The following PXDN variants were observed in gnomAD, a reference collection of about 807,000 sequenced individuals.
PXDN encodes peroxidasin.
In PXDN, 77 loss-of-function variants were observed where a neutral mutation model predicts 140.3. The ratio of observed to expected loss-of-function variants is 0.55; its 90% confidence interval spans 0.46 to 0.66. The LOEUF is 0.66. Ranked by LOEUF, PXDN falls within the 30% of genes least tolerant of loss-of-function variation. The pLI, the probability that PXDN is intolerant of heterozygous loss-of-function variation, is 0.00. For synonymous variants in PXDN, 911 were observed against 857.4 expected (o/e 1.06, Z -1.09); for missense variants, 1,838 against 2,039.5 (o/e 0.90, Z 1.90).
intron 9 of PXDN, among the ~76,000 whole-genome samples, chr2:1,673,013 C>T (rs1683612752): frequency 6.6e-6 from 1 of 152,142 alleles, no homozygotes; most frequent in African/African-American, 2.4e-5. Flanking sequence ...TGGGTACACC[C>T]AATGCCTCAA....
rs553047044 is a variant in PXDN at position 1,682,367 on chromosome 2, T to C, written c.560+1289A>G. ...CCTAAAGGAAAAAAAAAATCACATA[T>C]AGTTCTGAAGGTCTATGTTTTACTC... On this transcript the variant is annotated intron_variant, in intron 6 of 22. Transcript: ENST00000252804. Among the ~76,000 whole-genome samples, 96 of 152,310 alleles carry C rather than the reference T, an allele frequency of 6.3e-4. 2 individuals are homozygous for C. In the South Asian group the frequency reaches 0.012, roughly 19 times the overall value.
chr2:1,698,828 T>C (rs183213454), intron 1 of PXDN, among the ~76,000 whole-genome samples: 1 of 152,308 alleles, frequency 6.6e-6, no homozygotes, highest in East Asian at 1.9e-4. Flanking sequence ...AAGAGAAGAC[T>C]GCAATAACTA....
intron 8 of PXDN, among the ~76,000 whole-genome samples, chr2:1,674,497 G>C (rs547063644): frequency 6.6e-6 from 1 of 152,228 alleles, no homozygotes; most frequent in Non-Finnish European, 1.5e-5. Flanking sequence ...GCATGGCTTG[G>C]CCAGTCCTCG....
At chr2:1,647,535 C>T (rs1286090234) in intron 17 of PXDN, among the ~76,000 whole-genome samples, 1 of 152,222 alleles carries the variant, frequency 6.6e-6, no homozygotes, top group East Asian at 1.9e-4. Flanking sequence ...GGGGTGACAG[C>T]GTCCCATTTT....
chr2:1,693,520 A>G (rs1383154274), intron 1 of PXDN, among the ~76,000 whole-genome samples: 3 of 152,208 alleles, frequency 2.0e-5, no homozygotes, highest in Non-Finnish European at 4.4e-5. Context: ...AACACCTTAG[A>G]GTTTACTCCA....
chr2:1,666,478 T>C lies in PXDN; in HGVS notation c.1027A>G (p.Thr343Ala). 6.3e-7 allele frequency: 1 copy of C among 1,590,590 alleles called. No individual in the cohort carries two copies. The highest frequency in any genetic ancestry group is 1.1e-5 in the South Asian group (1 of 90,082). ...GTATTCTGTGGCTGGATTACAAAAG[T>C]GGGTCGAGCTGTCACAATTAAACAG... is the stretch of plus-strand genomic sequence containing the variant. ...LRYFGSPARP[T>A]FVIQPQNTEV... Residue 343 changes from threonine to alanine, a missense_variant, in exon 10 of 23, where the codon ACT becomes GCT. Thr to Ala is a moderately conservative substitution (Grantham distance 58). Transcript: ENST00000252804.
intron 6 of PXDN, 110 bp downstream of exon 6, chr2:1,683,546 A>ACATGTTTTTCATTTTGCTCGCTAATGG: frequency 2.3e-6 from 1 of 434,336 alleles, no homozygotes. Flanking sequence ...ATTCTTTCAG[A>ACATGTTTTTCATTTTGCTCGCTAATGG]ATCAGATTGT....
chr2:1,710,781 C>A, intron 1 of PXDN, among the ~76,000 whole-genome samples: 1 of 68,820 alleles, frequency 1.5e-5, no homozygotes, highest in Non-Finnish European at 2.8e-5. Context: ...CACCCACTCT[C>A]CACCAGCACC....
chr2:1,668,681 AC>A (rs1304936334), intron 9 of PXDN, among the ~76,000 whole-genome samples: 1 of 152,194 alleles, frequency 6.6e-6, no homozygotes, highest in Admixed American at 6.5e-5. Flanking sequence ...TATGTGGCCA[AC>A]AAACATATGA....
Position 1,691,978 on chromosome 2 carries a change from G to T in PXDN, c.294C>A (p.Ile98=). ...LNTLLLNNNQ[I]KRIPSGAFED... ...CAAATGCTCCACTAGGTATCCTCTT[G>T]ATCTGATTATTATTGAGAAGCCTAT... Residue 98 remains isoleucine, a synonymous_variant, in exon 3 of 23, where the codon ATC becomes ATA. Transcript: ENST00000252804. 6.5e-7 allele frequency: 1 copy of T among 1,528,526 alleles called. No individual in the cohort carries two copies. The highest frequency in any genetic ancestry group is 1.3e-5 in the South Asian group (1 of 79,268). The allele number at this position is 1,528,526 out of a possible 1,614,324, so 94.7% of individuals were successfully genotyped here.
chr2:1,719,840 G>C (rs1016482720), intron 1 of PXDN, among the ~76,000 whole-genome samples: 26 of 137,970 alleles, frequency 1.9e-4, no homozygotes, highest in East Asian at 1.7e-3. Context: ...TGCATTGTGT[G>C]TGTGTGTGTG....
chr2:1,635,692 G>A (rs763535254), intron 21 of PXDN, 171 bp from the exon 22 acceptor site: 24 of 640,342 alleles, frequency 3.7e-5, no homozygotes, highest in Non-Finnish European at 5.9e-5. Context: ...TAGACTGGCG[G>A]CAGCTGACCA....
chr2:1,653,807 G>A lies in PXDN; in HGVS notation c.1947-22C>T, dbSNP rs1000034. 0.012 allele frequency: 18,855 copies of A among 1,533,296 alleles called. 1,635 individuals carry two copies. The African/African-American group carries it at 0.21, about 17-fold the overall frequency. The allele number at this position is 1,533,296 out of a possible 1,614,324, so 95.0% of individuals were successfully genotyped here. On this transcript the variant is annotated intron_variant, in intron 15 of 22. Transcript: ENST00000252804. ...ACGGCTAACCAGAGTTTAGGGGGAA[G>A]AAAGGAAGAATGAAACAAATTACTG... is the stretch of plus-strand genomic sequence containing the variant.
chr2:1,679,786 T>A (rs1683834109), intron 7 of PXDN, among the ~76,000 whole-genome samples: 1 of 147,458 alleles, frequency 6.8e-6, no homozygotes. Context: ...TGTGTGTGTC[T>A]ATAAATGGTG....
chr2:1,711,830 CTG>C (rs1484353937), intron 1 of PXDN, among the ~76,000 whole-genome samples: 1 of 152,230 alleles, frequency 6.6e-6, no homozygotes, highest in East Asian at 1.9e-4. Context: ...TCACTCAGGT[CTG>C]TGGAGATCTC....
Position 1,649,563 on chromosome 2 carries a change from C to A in PXDN, c.2217G>T (p.Gln739His). ...VNNCSDMCFH[Q>H]KYRTHDGTCN... Reference sequence around the variant, plus strand: ...AGGTGCCGTCGTGCGTCCGGTACTTCTGGTGGAAGCACATGTCCGAGCAGT... The same window carrying A: ...AGGTGCCGTCGTGCGTCCGGTACTTATGGTGGAAGCACATGTCCGAGCAGT... Residue 739 changes from glutamine (Q) to histidine (H), a missense_variant, in exon 17 of 23, where the codon CAG becomes CAT. Physicochemically the swap from Gln to His is conservative, Grantham distance 24. Around this residue, in one of 5 missense-constraint regions of PXDN, gnomAD observed 537 missense variants for 583.9 expected, o/e 0.92. Coordinates refer to ENST00000252804, the MANE Select transcript of PXDN (RefSeq NM_012293.3). This position sits in a 1 kb window ranked among gnomAD's most constrained non-coding sequence, Gnocchi z 7.1. 6.2e-7 allele frequency: 1 copy of A among 1,614,028 alleles called. No individual in the cohort carries two copies.
chr2:1,685,290 G>A lies in PXDN; in HGVS notation c.417-1139C>T, dbSNP rs1684025361. ...CACTCCGCGCACGAATGGGAAACGT[G>A]AGGGAAGGAAAAACTGGAGCAGGAA... On this transcript the variant is annotated intron_variant, in intron 4 of 22. Coordinates refer to ENST00000252804, the MANE Select transcript of PXDN (RefSeq NM_012293.3). The surrounding 1 kb of genome is among the most constrained non-coding windows in gnomAD (Gnocchi z 5.1). Among the ~76,000 whole-genome samples the A allele has an allele frequency of 6.6e-6, 1 of 152,228 alleles. No individual in the cohort carries two copies. Among genetic ancestry groups the A allele is most frequent in the African/African-American group, 2.4e-5 (1 of 41,468 alleles).
At chr2:1,663,965 C>T (rs1558497908) in intron 11 of PXDN, 2 of 601,340 alleles carry the variant, frequency 3.3e-6, no homozygotes, top group Non-Finnish European at 5.8e-6. Context: ...GTAACTCAGA[C>T]AGAGGGGTTG....
rs1452898932 is a variant in PXDN, at chr2:1,660,123, G to A, written c.1837+758C>T. Reference sequence around the variant, plus strand: ...CACCACTGATGAGGCGCAGGTTTGGGTCACACTGTGAAGACTCCATGCAAA... The same window carrying A: ...CACCACTGATGAGGCGCAGGTTTGGATCACACTGTGAAGACTCCATGCAAA... On this transcript the variant is annotated intron_variant, in intron 14 of 22. Coordinates refer to ENST00000252804, the MANE Select transcript of PXDN (RefSeq NM_012293.3). The surrounding 1 kb of genome is among the most constrained non-coding windows in gnomAD (Gnocchi z 4.6). 6.6e-6 allele frequency among the ~76,000 whole-genome samples: 1 copy of A among 152,162 alleles called. No homozygotes were observed. Among genetic ancestry groups the A allele is most frequent in the African/African-American group, 2.4e-5 (1 of 41,424 alleles).
Sources: gnomAD v4.1 joint callset for allele counts (sites outside exome capture counted in the v4.1 genomes callset) on GRCh38, gnomAD v4.1.1 for gene constraint, gnomAD v4.1.1 regional missense constraint, Gnocchi (gnomAD v3.1) non-coding constraint, MANE v1.5 for transcripts, NCBI Gene and HGNC (gene_info 2026-07-23, HGNC 2026-07-21) for gene names.